TRPC7: variants seen among roughly 807,000 people sequenced by gnomAD.
The protein encoded by TRPC7 is short transient receptor potential channel 7.
In TRPC7, 42 loss-of-function variants were observed where a neutral mutation model predicts 90.1. The ratio of observed to expected loss-of-function variants is 0.47; its 90% CI spans 0.36 to 0.60. The LOEUF is 0.60. Ranked by LOEUF, TRPC7 falls within the 20% of genes least tolerant of loss-of-function variation. The pLI, the probability that TRPC7 is intolerant of heterozygous loss-of-function variation, is 0.00. For missense variants in TRPC7, 955 were observed against 1,112.3 expected (o/e 0.86, Z 2.01); for synonymous variants, 451 against 436.3 (o/e 1.03, Z -0.42).
In TRPC7 at chr5:136,248,181, C is replaced by T. The variant is rs375827324; in HGVS notation, c.1580-446G>A. On this transcript the variant is annotated intron_variant, in intron 6 of 11. Transcript: ENST00000513104. ...GCTGTCCCACTCACTGGGGAGGCAG[C>T]GCGAGGAATAAGATGGGCAAGAGCA... is the stretch of plus-strand genomic sequence containing the variant. Among the ~76,000 whole-genome samples the T allele has an allele frequency of 1.3e-3, 202 of 152,314 alleles. 1 individual carries two copies. The highest frequency in any genetic ancestry group is 4.4e-3 in the African/African-American group (184 of 41,574).
chr5:136,239,111 C>G (rs908187612), intron 7 of TRPC7, among the ~76,000 whole-genome samples: 1 of 152,094 alleles, frequency 6.6e-6, no homozygotes, highest in African/African-American at 2.4e-5. Context: ...GTGCAGTAAG[C>G]TCTCTCATCC....
At position 136,213,426 on chromosome 5, in the gene TRPC7, T is replaced by C. The variant is rs752709835; in HGVS notation, c.*9A>G. ...TGCTGGTAGAAGTCACAGACGCCGATGTGGGCTGCTAAATGTCTTTGCCCT... is the reference window on the plus strand; with the variant it reads ...TGCTGGTAGAAGTCACAGACGCCGACGTGGGCTGCTAAATGTCTTTGCCCT... On this transcript the variant is annotated 3_prime_UTR_variant, in exon 12 of 12. Transcript: ENST00000513104. 7 of 1,613,406 alleles carry C rather than the reference T, an allele frequency of 4.3e-6. No individual in the cohort carries two copies. In the African/African-American group the frequency reaches 5.3e-5, roughly 12 times the overall value.
chr5:136,311,649 C>A (rs34760171), intron 3 of TRPC7, among the ~76,000 whole-genome samples: 13,183 of 152,266 alleles, frequency 0.087, 727 homozygotes, highest in Non-Finnish European at 0.13. Flanking sequence ...CAGGGGAAGG[C>A]CAAGGCCAGT....
chr5:136,246,019 C>T (rs866966284), intron 7 of TRPC7, among the ~76,000 whole-genome samples: 23 of 152,128 alleles, frequency 1.5e-4, no homozygotes, highest in Admixed American at 3.3e-4. Context: ...CATCCTGCCC[C>T]GTGCCCATCC....
intron 3 of TRPC7, among the ~76,000 whole-genome samples, chr5:136,299,643 A>G (rs1383167682): frequency 6.6e-6 from 1 of 152,220 alleles, no homozygotes; most frequent in African/African-American, 2.4e-5. Context: ...TCAAATGCTC[A>G]TTAAAACTCT....
intron 3 of TRPC7, among the ~76,000 whole-genome samples, chr5:136,304,742 C>T (rs566947259): frequency 1.0e-3 from 158 of 152,250 alleles, no homozygotes; most frequent in African/African-American, 3.6e-3. Flanking sequence ...TTACCTATCT[C>T]GGCATAATTC....
chr5:136,333,301 GT>G (rs34453958), intron 2 of TRPC7, among the ~76,000 whole-genome samples: 73,539 of 151,818 alleles, frequency 0.48, 18,433 homozygotes, highest in Middle Eastern at 0.6. Context: ...AGTTCAAGAG[GT>G]TGGAACAGGG....
chr5:136,364,029 T>A (rs532525716), intron 1 of TRPC7, among the ~76,000 whole-genome samples: 1 of 152,284 alleles, frequency 6.6e-6, no homozygotes, highest in Non-Finnish European at 1.5e-5. Flanking sequence ...GAGTCTGAAA[T>A]AAACATCTAC....
intron 2 of TRPC7, 97 bp downstream of exon 2, chr5:136,356,511 C>G (rs536507793): frequency 1.0e-5 from 13 of 1,271,230 alleles, no homozygotes; most frequent in African/African-American, 1.5e-5. Context: ...TGAAGCTTCC[C>G]TCTTTCTTAG....
chr5:136,216,440 C>A (rs1436219564), intron 10 of TRPC7, among the ~76,000 whole-genome samples, 165 bp from the exon 11 acceptor site: 1 of 152,194 alleles, frequency 6.6e-6, no homozygotes, highest in Non-Finnish European at 1.5e-5. Context: ...AGTGCGGGTA[C>A]CTGGCCAGCC....
chr5:136,287,076 G>C (rs958923007), intron 3 of TRPC7, among the ~76,000 whole-genome samples: 1 of 152,046 alleles, frequency 6.6e-6, no homozygotes, highest in East Asian at 1.9e-4. Flanking sequence ...GCCGCCTACC[G>C]CTCCCTAAGC....
Position 136,226,266 on chromosome 5 carries a change from A to C in TRPC7, c.2041-11T>G, listed in dbSNP as rs1279403545. The C allele has an allele frequency of 1.3e-6, 2 of 1,548,296 alleles. No homozygotes were observed. The highest frequency in any genetic ancestry group is 1.7e-4 in the Middle Eastern group (1 of 5,980). ...CACATCTGCATCCTCCTGTGGAACAAGGGAAACAACAACACACCCTCAAAG... is the reference window on the plus strand; with the variant it reads ...CACATCTGCATCCTCCTGTGGAACACGGGAAACAACAACACACCCTCAAAG... On this transcript the variant is annotated splice_polypyrimidine_tract_variant and intron_variant, in intron 8 of 11. Coordinates refer to ENST00000513104, the MANE Select transcript of TRPC7 (RefSeq NM_020389.3).
At chr5:136,329,584 G>A (rs756762443) in intron 2 of TRPC7, among the ~76,000 whole-genome samples, 1 of 152,166 alleles carries the variant, frequency 6.6e-6, no homozygotes, top group Non-Finnish European at 1.5e-5. Context: ...GACATTCCAG[G>A]AAGTGGGACC....
chr5:136,242,205 T>C (rs944422683), intron 7 of TRPC7, among the ~76,000 whole-genome samples: 1 of 152,218 alleles, frequency 6.6e-6, no homozygotes, highest in African/African-American at 2.4e-5. Context: ...ACCCATGTCT[T>C]GGGATACTTC....
At chr5:136,316,359 A>G (rs940005984) in intron 2 of TRPC7, among the ~76,000 whole-genome samples, 1 of 152,248 alleles carries the variant, frequency 6.6e-6, no homozygotes, top group Non-Finnish European at 1.5e-5. Flanking sequence ...ATTGGAAAAA[A>G]AAATTGCACA....
At chr5:136,246,987 T>G (rs761426954) in intron 7 of TRPC7, among the ~76,000 whole-genome samples, 29 of 152,216 alleles carry the variant, frequency 1.9e-4, no homozygotes, top group Non-Finnish European at 3.7e-4. Context: ...TACCCTGAGA[T>G]AACTCATGGA....
chr5:136,342,320 C>T (rs1759870267), intron 2 of TRPC7, among the ~76,000 whole-genome samples: 1 of 152,176 alleles, frequency 6.6e-6, no homozygotes, highest in Non-Finnish European at 1.5e-5. Flanking sequence ...TATCAAGAAT[C>T]CCAGGGATCT....
chr5:136,353,038 A>G (rs1485714939), intron 2 of TRPC7, among the ~76,000 whole-genome samples: 1 of 152,216 alleles, frequency 6.6e-6, no homozygotes, highest in African/African-American at 2.4e-5. Flanking sequence ...AATGCTCACT[A>G]GTTTATTGGG....
At chr5:136,333,813 T>C (rs952167740) in intron 2 of TRPC7, among the ~76,000 whole-genome samples, 1 of 152,242 alleles carries the variant, frequency 6.6e-6, no homozygotes, top group Admixed American at 6.5e-5. Context: ...TAATGTCTGA[T>C]GGAGTTATAG....
Sources: gnomAD v4.1 joint callset for allele counts (sites outside exome capture counted in the v4.1 genomes callset) on GRCh38, gnomAD v4.1.1 for gene constraint, MANE v1.5 for transcripts, NCBI Gene and HGNC (gene_info 2026-07-23, HGNC 2026-07-21) for gene names.